The following RETREG1 variants were observed in gnomAD, a reference collection of about 807,000 sequenced individuals.
The protein encoded by RETREG1 is family with sequence similarity 134 member B.
RETREG1 carries 44 observed loss-of-function variants against 54.8 expected under a neutral mutation model. That is an observed-to-expected ratio of 0.80 (90% confidence interval 0.63 to 1.03). RETREG1 has a LOEUF of 1.03. Among genes scored for constraint, RETREG1 ranks in the 50% least tolerant of loss-of-function variants. RETREG1 has a pLI of 0.00. For synonymous variants in RETREG1, 217 were observed against 238.5 expected (o/e 0.91, Z 0.83); for missense variants, 554 against 605.1 (o/e 0.92, Z 0.89).
intron 3 of RETREG1, among the ~76,000 whole-genome samples, chr5:16,530,861 C>CAA (rs1218730697): frequency 7.6e-6 from 1 of 132,034 alleles, no homozygotes; most frequent in Admixed American, 7.6e-5. Context: ...GACTCCGTCT[C>CAA]AAAAAAAAAA....
chr5:16,570,820 T>C (rs1742153762), intron 2 of RETREG1, among the ~76,000 whole-genome samples: 1 of 151,946 alleles, frequency 6.6e-6, no homozygotes, highest in Non-Finnish European at 1.5e-5. Flanking sequence ...ATTGGGGAGT[T>C]AGGTGTCTGT....
rs199945778 is a variant in RETREG1 at position 16,502,805 on chromosome 5, TC to T, written c.459-19334del. ...GAATAGTAGTGTACCAGACTTGCCC[TC>T]AGGCAAGACTTCATGCCCACATAGT... On this transcript the variant is annotated intron_variant, in intron 3 of 8. Transcript: ENST00000306320. Among the ~76,000 whole-genome samples the T allele has an allele frequency of 4.9e-3, 744 of 152,364 alleles. 8 individuals carry two copies. The highest frequency in any genetic ancestry group is 0.017 in the African/African-American group (693 of 41,574).
At chr5:16,526,918 C>T (rs1027344981) in intron 3 of RETREG1, among the ~76,000 whole-genome samples, 8 of 152,184 alleles carry the variant, frequency 5.3e-5, no homozygotes, top group Non-Finnish European at 8.8e-5. Context: ...TTGCTACAGA[C>T]AACTAACACT....
At chr5:16,507,158 C>G (rs1196474541) in intron 3 of RETREG1, among the ~76,000 whole-genome samples, 1 of 151,986 alleles carries the variant, frequency 6.6e-6, no homozygotes, top group Non-Finnish European at 1.5e-5. Context: ...TTAAAGCAAC[C>G]CTAATCACAT....
chr5:16,522,345 T>C (rs1740562251), intron 3 of RETREG1, among the ~76,000 whole-genome samples: 1 of 152,226 alleles, frequency 6.6e-6, no homozygotes, highest in African/African-American at 2.4e-5. Context: ...AAACTATGTG[T>C]TTGAGAGGCA....
rs909165664 is a variant in RETREG1, at chr5:16,582,347, TA to T, written c.321-10246del. The stretch of plus-strand genomic sequence containing the variant: ...TGTGATGACCACGGCCTATATTCGA[TA>T]AATGTGTCTATTTGCTTTTTTTCTT... On this transcript the variant is annotated intron_variant, in intron 1 of 8. Coordinates refer to ENST00000306320, the MANE Select transcript of RETREG1 (RefSeq NM_001034850.3). Among the ~76,000 whole-genome samples, 20 of 152,372 alleles carry T rather than the reference TA, an allele frequency of 1.3e-4. No homozygotes were observed. The East Asian group carries it at 1.9e-3, about 15-fold the overall frequency.
rs1418982713 is a variant in RETREG1 at position 16,581,559 on chromosome 5, AC to A, written c.321-9458del. Among the ~76,000 whole-genome samples the A allele has an allele frequency of 2.7e-5, 4 of 150,346 alleles. No homozygotes were observed. In the South Asian group the frequency reaches 6.3e-4, roughly 24 times the overall value. On this transcript the variant is annotated intron_variant, in intron 1 of 8. Coordinates refer to ENST00000306320, the MANE Select transcript of RETREG1 (RefSeq NM_001034850.3). ...CACACACACACACACACACACACACACACACAAAACACACACACAGGACCAC... is the reference window on the plus strand; with the variant it reads ...CACACACACACACACACACACACACAACACAAAACACACACACAGGACCAC...
At chr5:16,586,803 TA>T (rs1435928953) in intron 1 of RETREG1, among the ~76,000 whole-genome samples, 1 of 152,224 alleles carries the variant, frequency 6.6e-6, no homozygotes, top group African/African-American at 2.4e-5. Context: ...GGGTGGCTTA[TA>T]AACAACAGAA....
intron 3 of RETREG1, among the ~76,000 whole-genome samples, chr5:16,496,946 A>C (rs1449781540): frequency 6.6e-6 from 1 of 152,182 alleles, no homozygotes; most frequent in Non-Finnish European, 1.5e-5. Flanking sequence ...TTCATATACA[A>C]AATCAGGCTG....
intron 3 of RETREG1, among the ~76,000 whole-genome samples, chr5:16,514,219 G>T (rs980448449): frequency 1.3e-5 from 2 of 152,118 alleles, no homozygotes; most frequent in Non-Finnish European, 2.9e-5. Context: ...AGAGCTCAAG[G>T]CTCTCTAGGA....
chr5:16,564,286 T>C (rs1026202872), intron 3 of RETREG1, among the ~76,000 whole-genome samples: 1 of 152,236 alleles, frequency 6.6e-6, no homozygotes, highest in Non-Finnish European at 1.5e-5. Context: ...CTTGTCTTCA[T>C]AGATGTCTTT....
At chr5:16,488,601 C>G (rs1330231330) in intron 3 of RETREG1, among the ~76,000 whole-genome samples, 1 of 152,080 alleles carries the variant, frequency 6.6e-6, no homozygotes, top group Non-Finnish European at 1.5e-5. Flanking sequence ...GCCCGGAGGC[C>G]AGGAAAGAGC....
At chr5:16,524,010 C>G (rs1034568142) in intron 3 of RETREG1, among the ~76,000 whole-genome samples, 1 of 152,154 alleles carries the variant, frequency 6.6e-6, no homozygotes, top group African/African-American at 2.4e-5. Flanking sequence ...CAGCAGGGCT[C>G]CCCTCAACTG....
intron 3 of RETREG1, among the ~76,000 whole-genome samples, chr5:16,562,110 G>A (rs1267488483): frequency 6.6e-6 from 1 of 152,186 alleles, no homozygotes; most frequent in Non-Finnish European, 1.5e-5. Context: ...GAGGTCGGGA[G>A]TTCGAGATCA....
chr5:16,502,049 T>C (rs1739740938), intron 3 of RETREG1, among the ~76,000 whole-genome samples: 2 of 151,042 alleles, frequency 1.3e-5, no homozygotes, highest in South Asian at 2.1e-4. Flanking sequence ...CTCCGCCTCC[T>C]GGGTTCACAC....
intron 3 of RETREG1, among the ~76,000 whole-genome samples, chr5:16,539,178 G>A (rs1741167397): frequency 1.3e-5 from 2 of 152,146 alleles, no homozygotes; most frequent in Admixed American, 1.3e-4. Context: ...AAATGGGGAG[G>A]TACATCCATA....
intron 3 of RETREG1, among the ~76,000 whole-genome samples, chr5:16,501,533 T>A (rs980872072): frequency 1.1e-4 from 16 of 152,084 alleles, no homozygotes; most frequent in East Asian, 5.8e-4. Context: ...TTATTTATTT[T>A]TTTATTTTTA....
At chr5:16,487,165 A>G (rs547358461) in intron 3 of RETREG1, among the ~76,000 whole-genome samples, 2 of 152,334 alleles carry the variant, frequency 1.3e-5, no homozygotes, top group Admixed American at 1.3e-4. Flanking sequence ...TTGAGTTTGT[A>G]CTAAGTTCCT....
chr5:16,604,920 C>T (rs1028132120), intron 1 of RETREG1, among the ~76,000 whole-genome samples: 2 of 152,126 alleles, frequency 1.3e-5, no homozygotes, highest in African/African-American at 4.8e-5. Context: ...TTATCTTTAG[C>T]AAATGGGAAA....
Sources: gnomAD v4.1 joint callset for allele counts (sites outside exome capture counted in the v4.1 genomes callset) on GRCh38, gnomAD v4.1.1 for gene constraint, MANE v1.5 for transcripts, NCBI Gene and HGNC (gene_info 2026-07-23, HGNC 2026-07-21) for gene names.